The following FNDC3A variants were observed in gnomAD, a reference collection of about 807,000 sequenced individuals.
FNDC3A encodes the protein fibronectin type III domain containing 3A, also known as fibronectin type-III domain-containing protein 3A.
In FNDC3A, 32 loss-of-function variants were observed where a neutral mutation model predicts 148.9. The ratio of observed to expected loss-of-function variants is 0.21; its 90% CI spans 0.16 to 0.29. The LOEUF is 0.29. FNDC3A is among the 10% of genes least tolerant of loss of function. The pLI is 1.00. For synonymous variants in FNDC3A, 472 were observed against 473.6 expected, an observed-to-expected ratio of 1.00 and a Z score of 0.04; for missense variants, 1,191 against 1,452.8, an observed-to-expected ratio of 0.82 and a Z score of 2.93.
rs558342730 is a variant in FNDC3A at position 49,078,101 on chromosome 13, T to C, written c.175+2737T>C. On this transcript the variant is annotated intron_variant, in intron 3 of 25. Coordinates refer to ENST00000492622, the MANE Select transcript of FNDC3A (RefSeq NM_001079673.2). The stretch of plus-strand genomic sequence containing the variant: ...ATTTTAACTAATACAGCATTGATCT[T>C]TTCTAACACATTTGCAGAGGAAGAT... 7.9e-5 allele frequency among the ~76,000 whole-genome samples: 12 copies of C among 152,330 alleles called. 1 individual carries two copies. Among genetic ancestry groups the C allele is most frequent in the Admixed American group, 4.6e-4 (7 of 15,306 alleles).
intron 2 of FNDC3A, among the ~76,000 whole-genome samples, chr13:49,054,010 CAA>C (rs1046694788): frequency 1.8e-4 from 28 of 152,266 alleles, no homozygotes; most frequent in Admixed American, 2.6e-4. Context: ...CTTGTTTCTG[CAA>C]AGAGTCTGTT....
At chr13:49,023,763 T>A (rs1398156547) in intron 2 of FNDC3A, among the ~76,000 whole-genome samples, 5 of 151,906 alleles carry the variant, frequency 3.3e-5, no homozygotes, top group Non-Finnish European at 5.9e-5. Context: ...AATAGGGAAA[T>A]GCATTCAACT....
At chr13:49,152,841 C>T (rs1437779417) in intron 8 of FNDC3A, among the ~76,000 whole-genome samples, 1 of 151,446 alleles carries the variant, frequency 6.6e-6, no homozygotes, top group African/African-American at 2.4e-5. Context: ...CCACAAAGGA[C>T]ATGAACTCAT....
intron 2 of FNDC3A, among the ~76,000 whole-genome samples, chr13:49,007,317 G>T (rs576023851): frequency 3.9e-5 from 6 of 152,076 alleles, no homozygotes; most frequent in Non-Finnish European, 5.9e-5. Context: ...AGAAAGTGTT[G>T]TGTCCTGGTT....
At chr13:49,082,391 C>CA (rs58426224) in intron 3 of FNDC3A, among the ~76,000 whole-genome samples, 21 of 151,718 alleles carry the variant, frequency 1.4e-4, no homozygotes, top group East Asian at 1.4e-3. Context: ...ATCTCAAAAA[C>CA]AAAAAAACCC....
intron 10 of FNDC3A, among the ~76,000 whole-genome samples, chr13:49,169,011 A>G (rs1884625486): frequency 6.6e-6 from 1 of 152,208 alleles, no homozygotes; most frequent in African/African-American, 2.4e-5. Context: ...GATTCACAAC[A>G]GTGATTCTTA....
At chr13:49,135,881 CT>C (rs1475187821) in intron 5 of FNDC3A, among the ~76,000 whole-genome samples, 1 of 151,888 alleles carries the variant, frequency 6.6e-6, no homozygotes, top group Non-Finnish European at 1.5e-5. Context: ...GTGATGATTG[CT>C]TTTTTGAGTT....
At chr13:49,198,634 G>C in intron 23 of FNDC3A, 60 bp downstream of exon 23, 2 of 1,358,278 alleles carry the variant, frequency 1.5e-6, no homozygotes, top group Non-Finnish European at 2.1e-6. Flanking sequence ...ATACATTTCT[G>C]TAACTATTAG....
chr13:49,030,371 A>G (rs565661411), intron 2 of FNDC3A, among the ~76,000 whole-genome samples: 2 of 152,142 alleles, frequency 1.3e-5, no homozygotes, highest in Non-Finnish European at 2.9e-5. Context: ...AACGTCCTCA[A>G]CCTCATAAAA....
chr13:49,138,679 T>A, intron 6 of FNDC3A, 68 bp from the exon 7 acceptor site: 1 of 713,818 alleles, frequency 1.4e-6, no homozygotes, highest in Non-Finnish European at 2.3e-6. Context: ...AGAATACATA[T>A]TTAGGGAGAA....
intron 2 of FNDC3A, among the ~76,000 whole-genome samples, chr13:49,025,349 T>C (rs934664749): frequency 6.6e-6 from 1 of 152,084 alleles, no homozygotes; most frequent in African/African-American, 2.4e-5. Flanking sequence ...TATATTCTAA[T>C]ATTTTCTTTT....
At chr13:49,071,598 TG>T (rs1232861496) in intron 2 of FNDC3A, among the ~76,000 whole-genome samples, 1 of 152,218 alleles carries the variant, frequency 6.6e-6, no homozygotes, top group Non-Finnish European at 1.5e-5. Flanking sequence ...TATCTCATTT[TG>T]GTTTTGATTT....
chr13:48,992,093 A>G (rs1451605218), intron 1 of FNDC3A, among the ~76,000 whole-genome samples: 1 of 152,190 alleles, frequency 6.6e-6, no homozygotes, highest in Non-Finnish European at 1.5e-5. Flanking sequence ...TGTAAGTTGA[A>G]CCATCACAAG....
intron 8 of FNDC3A, among the ~76,000 whole-genome samples, chr13:49,162,545 G>A (rs1049440252): frequency 1.3e-5 from 2 of 152,046 alleles, no homozygotes; most frequent in African/African-American, 4.8e-5. Flanking sequence ...CCTTGTGACG[G>A]GTTCAAACAT....
chr13:49,189,835 A>T (rs1174307515), intron 17 of FNDC3A, among the ~76,000 whole-genome samples: 1 of 152,234 alleles, frequency 6.6e-6, no homozygotes, highest in Admixed American at 6.5e-5. Context: ...TTTAAAAAGA[A>T]TGTTAAGTAT....
intron 8 of FNDC3A, among the ~76,000 whole-genome samples, chr13:49,149,641 G>A (rs1227352764): frequency 1.3e-5 from 2 of 152,124 alleles, no homozygotes; most frequent in African/African-American, 4.8e-5. Flanking sequence ...TCAAGGATTA[G>A]TCTGTACTTT....
chr13:49,020,941 G>A (rs1005627839), intron 2 of FNDC3A, among the ~76,000 whole-genome samples: 1 of 152,066 alleles, frequency 6.6e-6, no homozygotes, highest in Admixed American at 6.6e-5. Context: ...TAAATTAATG[G>A]ATTAAATTTC....
chr13:49,034,169 A>G (rs577327645), intron 2 of FNDC3A, among the ~76,000 whole-genome samples: 109 of 152,154 alleles, frequency 7.2e-4, no homozygotes, highest in African/African-American at 2.5e-3. Context: ...TTCAGAGTTT[A>G]TGAATCTATT....
intron 2 of FNDC3A, among the ~76,000 whole-genome samples, chr13:49,057,605 A>G (rs1056637169): frequency 5.7e-4 from 86 of 152,168 alleles, no homozygotes; most frequent in Non-Finnish European, 6.5e-4. Context: ...TGTTGCCATT[A>G]ATAGAAGTTT....
Sources: gnomAD v4.1 joint callset for allele counts (sites outside exome capture counted in the v4.1 genomes callset) on GRCh38, gnomAD v4.1.1 for gene constraint, MANE v1.5 for transcripts, NCBI Gene and HGNC (gene_info 2026-07-23, HGNC 2026-07-21) for gene names.